The following LPO variants were observed in gnomAD, a reference collection of about 807,000 sequenced individuals.
LPO encodes the protein lactoperoxidase, also known as salivary peroxidase.
Under a neutral mutation model 68.4 loss-of-function variants are expected in LPO, and 70 were observed. The ratio of observed to expected loss-of-function variants is 1.02; its 90% CI spans 0.84 to 1.25. The LOEUF (loss-of-function observed/expected upper bound fraction) is 1.25. LPO is among the 50% of genes most tolerant of loss of function. The pLI, the probability that LPO is intolerant of heterozygous loss-of-function variation, is 0.00. For synonymous variants in LPO, 360 were observed against 357.6 expected (o/e 1.01, Z -0.08); for missense variants, 873 against 908.4 (o/e 0.96, Z 0.50).
Position 58,264,603 on chromosome 17 carries a change from A to G in LPO, c.1267-119A>G, listed in dbSNP as rs1046886284. On this transcript the variant is annotated intron_variant, in intron 9 of 12. Coordinates refer to ENST00000262290, the MANE Select transcript of LPO (RefSeq NM_006151.3). ...TGGGAACTGGGCACATATGCTATCCATTTGCCATCCTTGGTTTTCAACAGC... is the reference window on the plus strand; with the variant it reads ...TGGGAACTGGGCACATATGCTATCCGTTTGCCATCCTTGGTTTTCAACAGC... 7 of 994,384 alleles carry G rather than the reference A, an allele frequency of 7.0e-6. No individual in the cohort carries two copies. The Admixed American group carries it at 1.2e-4, about 17-fold the overall frequency. The allele number at this position is 994,384 out of a possible 1,614,324, so 61.6% of individuals were successfully genotyped here.
chr17:58,264,271 A>G (rs562043497), intron 9 of LPO, among the ~76,000 whole-genome samples: 8 of 152,258 alleles, frequency 5.3e-5, no homozygotes, highest in Non-Finnish European at 1.0e-4. Context: ...AAAACCAGAA[A>G]CCAGTCTTTC....
At chr17:58,246,488 T>C (rs1969854011) in intron 3 of LPO, among the ~76,000 whole-genome samples, 1 of 152,138 alleles carries the variant, frequency 6.6e-6, no homozygotes, top group South Asian at 2.1e-4. Context: ...AGACCCTGCC[T>C]ACCCCCAACA....
intron 2 of LPO, chr17:58,243,713 C>T (rs1012504719): frequency 6.0e-6 from 3 of 501,142 alleles, no homozygotes; most frequent in South Asian, 2.2e-5. Context: ...GTAGCCCAAG[C>T]CACCCTGAGT....
intron 10 of LPO, among the ~76,000 whole-genome samples, chr17:58,265,944 C>T (rs975235152): frequency 6.6e-6 from 1 of 152,094 alleles, no homozygotes; most frequent in East Asian, 1.9e-4. Context: ...TTTCTGCCCA[C>T]CCCCAGAGCA....
chr17:58,249,284 C>T (rs1032813723), intron 5 of LPO, 107 bp downstream of exon 5: 25 of 1,072,764 alleles, frequency 2.3e-5, no homozygotes, highest in Non-Finnish European at 3.1e-5. Context: ...CTGCCTTGCC[C>T]ACCTGGGCTG....
chr17:58,267,630 C>T (rs368494325), intron 12 of LPO, 44 bp downstream of exon 12: 379 of 1,545,082 alleles, frequency 2.5e-4, no homozygotes, highest in Non-Finnish European at 3.1e-4. Flanking sequence ...GGGCCCTTCT[C>T]CAAGAGGGGT....
chr17:58,252,547 G>A, intron 8 of LPO, 41 bp downstream of exon 8: 1 of 1,571,996 alleles, frequency 6.4e-7, no homozygotes, highest in Non-Finnish European at 8.7e-7. Context: ...AGGACAAGGG[G>A]ATTATCCAGG....
At chr17:58,250,720 G>A in intron 7 of LPO, 99 bp downstream of exon 7, 2 of 1,264,424 alleles carry the variant, frequency 1.6e-6, no homozygotes, top group South Asian at 1.3e-5. Flanking sequence ...ATAGATCTGG[G>A]ATACTGATTT....
chr17:58,260,171 T>G (rs371994498), intron 9 of LPO, among the ~76,000 whole-genome samples: 1 of 152,388 alleles, frequency 6.6e-6, no homozygotes, highest in South Asian at 2.1e-4. Flanking sequence ...TTGCAGTTTC[T>G]ACTTATTTTA....
chr17:58,267,779 C>A lies in LPO; in HGVS notation c.1932-8C>A, dbSNP rs1429623741. 1.9e-6 allele frequency: 3 copies of A among 1,613,190 alleles called. No homozygotes were observed. The Admixed American group carries it at 5.0e-5, about 27-fold the overall frequency. ...GACTGTGGAGTGACTCTACTTCTGT[C>A]TCTGCAGGTTCTGGTGGGAAAACCC... On this transcript the variant is annotated splice_polypyrimidine_tract_variant and splice_region_variant and intron_variant, in intron 12 of 12. Transcript: ENST00000262290.
intron 10 of LPO, among the ~76,000 whole-genome samples, chr17:58,265,392 A>T (rs1379432232): frequency 2.0e-5 from 3 of 152,026 alleles, no homozygotes; most frequent in Non-Finnish European, 4.4e-5. Context: ...GAGGTGCCAG[A>T]GGTTGGACCC....
At chr17:58,255,920 A>T (rs980358995) in intron 9 of LPO, among the ~76,000 whole-genome samples, 5 of 152,166 alleles carry the variant, frequency 3.3e-5, no homozygotes, top group Admixed American at 2.0e-4. Context: ...TTTATCACAG[A>T]TGTAGCTTCA....
At chr17:58,242,745 C>A in intron 1 of LPO, 1 of 475,002 alleles carries the variant, frequency 2.1e-6, no homozygotes, top group Non-Finnish European at 3.8e-6. Context: ...GCCTTAGATC[C>A]TGAAGCCTGA....
intron 12 of LPO, 23 bp downstream of exon 12, chr17:58,267,609 A>C (rs765473505): frequency 1.3e-6 from 2 of 1,579,468 alleles, no homozygotes; most frequent in Non-Finnish European, 1.7e-6. Context: ...TCAGCCAGGG[A>C]GGGAAGGGCA....
intron 9 of LPO, among the ~76,000 whole-genome samples, chr17:58,262,702 T>G (rs951246440): frequency 6.6e-6 from 1 of 152,222 alleles, no homozygotes; most frequent in African/African-American, 2.4e-5. Flanking sequence ...CCTTTACCAT[T>G]ACTTGAATTG....
intron 8 of LPO, among the ~76,000 whole-genome samples, chr17:58,253,698 C>A (rs1424113264): frequency 1.3e-5 from 2 of 152,210 alleles, no homozygotes; most frequent in Non-Finnish European, 2.9e-5. Context: ...GGCCAAGATA[C>A]CTTTATAGAT....
rs1007119280 is a variant in LPO at position 58,249,684 on chromosome 17, C to T, written c.562C>T (p.Pro188Ser). 2.5e-6 allele frequency: 4 copies of T among 1,572,128 alleles called. No homozygotes were observed. The African/African-American group carries it at 5.4e-5, about 21-fold the overall frequency. The part of the protein sequence containing the change: ...WTPGKTRNGF[P>S]LPLAREVSNK... ...GCCGGGGAAGACGCGCAACGGCTTC[C>T]CTCTCCCGCTGGTGAGGGCAGGCCG... is the stretch of plus-strand genomic sequence containing the variant. The change falls in exon 6 of 13, where the codon CCT becomes TCT. Residue 188 changes from proline (P) to serine (S), a missense_variant. Pro to Ser is a moderately conservative substitution (Grantham distance 74). Transcript: ENST00000262290.
intron 6 of LPO, among the ~76,000 whole-genome samples, chr17:58,250,031 C>T (rs1269831793): frequency 1.3e-5 from 2 of 152,122 alleles, no homozygotes; most frequent in Non-Finnish European, 2.9e-5. Flanking sequence ...TTGGCCTTAT[C>T]GAGCTGGCAG....
rs1165714352 is a variant in LPO, at chr17:58,252,465, A to T, written c.1064A>T (p.Glu355Val). The change falls in exon 8 of 13, where the codon GAG (glutamate) becomes GTG (valine). Residue 355 changes from glutamate (E) to valine (V), a missense_variant. Glu to Val is a moderately radical substitution (Grantham distance 121). Transcript: ENST00000262290. Reference sequence around the variant, plus strand: ...GACAGCAAGAAGCCAAGCCCCTGTGAGTTCATCAACACCACTGCCCGTGTG... The same window carrying T: ...GACAGCAAGAAGCCAAGCCCCTGTGTGTTCATCAACACCACTGCCCGTGTG... ...PYDSKKPSPC[E>V]FINTTARVPC... is the part of the protein sequence containing the mutation. 1 of 1,613,924 alleles carries T rather than the reference A, an allele frequency of 6.2e-7. No individual in the cohort carries two copies. The highest frequency in any genetic ancestry group is 8.5e-7 in the Non-Finnish European group (1 of 1,179,992).
Sources: allele counts gnomAD v4.1 joint callset (sites outside exome capture counted in the v4.1 genomes callset), GRCh38; gene constraint gnomAD v4.1.1; transcripts MANE v1.5; gene names NCBI Gene and HGNC (gene_info 2026-07-23, HGNC 2026-07-21).